DNER: variants seen among roughly 807,000 people sequenced by gnomAD.
DNER encodes the protein delta/notch like EGF repeat containing, also known as delta and Notch-like epidermal growth factor-related receptor.
Under a neutral mutation model 78.2 loss-of-function variants are expected in DNER, and 33 were observed. The observed-to-expected ratio is 0.42, with a 90% CI of 0.32 to 0.56. The LOEUF (loss-of-function observed/expected upper bound fraction) is 0.56. DNER is among the 20% of genes least tolerant of loss of function. The pLI, the probability that DNER is intolerant of heterozygous loss-of-function variation, is 0.11. For missense variants in DNER, 918 were observed against 975.3 expected, an observed-to-expected ratio of 0.94 and a Z score of 0.78; for synonymous variants, 417 against 384.8, an observed-to-expected ratio of 1.08 and a Z score of -0.98.
chr2:229,366,272 A>G (rs1345696003), intron 12 of DNER, among the ~76,000 whole-genome samples: 1 of 152,126 alleles, frequency 6.6e-6, no homozygotes, highest in East Asian at 1.9e-4. Context: ...CAGTTGAGGG[A>G]GCTATATTTG....
rs374891331 is a variant in DNER at position 229,576,866 on chromosome 2, G to A, written c.847+8992C>T. Among the ~76,000 whole-genome samples the A allele has an allele frequency of 3.9e-5, 6 of 152,192 alleles. No homozygotes were observed. The East Asian group carries it at 7.7e-4, about 20-fold the overall frequency. ...GGTGAACAGCTAGGAAGGCTGCCCAGCAAGCCAAACCACAGGGTTCAGAGG... is the reference window on the plus strand; with the variant it reads ...GGTGAACAGCTAGGAAGGCTGCCCAACAAGCCAAACCACAGGGTTCAGAGG... On this transcript the variant is annotated intron_variant, in intron 4 of 12. Coordinates refer to ENST00000341772, the MANE Select transcript of DNER (RefSeq NM_139072.4).
chr2:229,650,854 C>T (rs530960717), intron 1 of DNER, among the ~76,000 whole-genome samples: 64 of 152,258 alleles, frequency 4.2e-4, no homozygotes, highest in African/African-American at 1.4e-3. Flanking sequence ...GGCCCTGGGA[C>T]GCATCGGGTG....
In DNER at chr2:229,491,176, A is replaced by G. The variant is rs541755700; in HGVS notation, c.1148-13923T>C. Among the ~76,000 whole-genome samples the G allele has an allele frequency of 2.0e-5, 3 of 152,252 alleles. No individual in the cohort carries two copies. In the South Asian group the frequency reaches 6.2e-4, roughly 32 times the overall value. Reference sequence around the variant, plus strand: ...GGCACTGTGCTCCGGCTCTTCAAACACGCTGGGCATATTCCTGCATCATGA... The same window carrying G: ...GGCACTGTGCTCCGGCTCTTCAAACGCGCTGGGCATATTCCTGCATCATGA... On this transcript the variant is annotated intron_variant, in intron 6 of 12. Transcript: ENST00000341772.
In DNER at chr2:229,585,711, T is replaced by A. The variant is rs570353023; in HGVS notation, c.847+147A>T. The A allele has an allele frequency of 7.2e-6, 6 of 833,618 alleles. No homozygotes were observed. In the African/African-American group the frequency reaches 1.0e-4, roughly 15 times the overall value. The allele number at this position is 833,618 out of a possible 1,614,324, so 51.6% of individuals were successfully genotyped here. Reference sequence around the variant, plus strand: ...ATATTATGTTAGAATCCAGTTTTTATTCTAAAACCTTACCAAAGTGAAAGA... The same window carrying A: ...ATATTATGTTAGAATCCAGTTTTTAATCTAAAACCTTACCAAAGTGAAAGA... On this transcript the variant is annotated intron_variant, in intron 4 of 12. Coordinates refer to ENST00000341772, the MANE Select transcript of DNER (RefSeq NM_139072.4).
chr2:229,471,858 G>A (rs1375273545), intron 7 of DNER, among the ~76,000 whole-genome samples: 2 of 152,244 alleles, frequency 1.3e-5, no homozygotes, highest in South Asian at 2.1e-4. Context: ...AGGTAGGTCC[G>A]GATTTCAAAC....
chr2:229,499,004 T>A (rs1019732566), intron 6 of DNER, among the ~76,000 whole-genome samples: 2 of 152,152 alleles, frequency 1.3e-5, no homozygotes, highest in African/African-American at 4.8e-5. Flanking sequence ...CTACCTGATT[T>A]CAAAATATAC....
chr2:229,446,028 TG>T (rs1694333643), intron 8 of DNER, among the ~76,000 whole-genome samples: 1 of 152,220 alleles, frequency 6.6e-6, no homozygotes, highest in Non-Finnish European at 1.5e-5. Context: ...ACATGCCCTT[TG>T]GAAGTTCCAG....
intron 5 of DNER, among the ~76,000 whole-genome samples, chr2:229,537,778 T>G (rs773329060): frequency 2.6e-5 from 4 of 152,044 alleles, no homozygotes; most frequent in Non-Finnish European, 5.9e-5. Context: ...TTATTATACT[T>G]TAAGTTTTAG....
At chr2:229,606,003 G>A (rs368899240) in intron 1 of DNER, among the ~76,000 whole-genome samples, 76 of 152,162 alleles carry the variant, frequency 5.0e-4, no homozygotes, top group Non-Finnish European at 5.9e-5. Flanking sequence ...TAATTGAACT[G>A]ATGGCCAGGC....
intron 4 of DNER, among the ~76,000 whole-genome samples, chr2:229,552,680 C>T (rs556903095): frequency 2.6e-5 from 4 of 152,266 alleles, no homozygotes; most frequent in East Asian, 1.9e-4. Context: ...CCAATCCCTG[C>T]GGAACTGTGA....
At chr2:229,556,843 T>G (rs991702931) in intron 4 of DNER, among the ~76,000 whole-genome samples, 1 of 152,182 alleles carries the variant, frequency 6.6e-6, no homozygotes, top group African/African-American at 2.4e-5. Context: ...TCCCCTAAAG[T>G]GGATCAATAG....
At chr2:229,360,089 G>A (rs1692178633) in intron 12 of DNER, among the ~76,000 whole-genome samples, 1 of 152,218 alleles carries the variant, frequency 6.6e-6, no homozygotes, top group African/African-American at 2.4e-5. Context: ...CATAATCTAA[G>A]GATAGGAAAA....
chr2:229,370,606 G>A (rs1395307042), intron 11 of DNER, among the ~76,000 whole-genome samples: 1 of 152,192 alleles, frequency 6.6e-6, no homozygotes, highest in Non-Finnish European at 1.5e-5. Context: ...CACTGAGAGA[G>A]ACAACTCATT....
rs2106322323 is a variant in DNER, at chr2:229,357,754, T to C, written c.*786A>G. 1 of 152,290 alleles carries C rather than the reference T, an allele frequency of 6.6e-6. No individual in the cohort carries two copies. Among genetic ancestry groups the C allele is most frequent in the Middle Eastern group, 3.4e-3 (1 of 294 alleles). 9.4% of individuals were successfully genotyped at this position (152,290 alleles called of 1,614,324 possible). A position where few individuals can be genotyped will look rare whatever the true frequency, so the allele number is the denominator to read the frequency against. On this transcript the variant is annotated 3_prime_UTR_variant, in exon 13 of 13. Transcript: ENST00000341772. ...AATAAAGCTGCACTATGAGAAATAC[T>C]CACTACTGAAGGAACCAGTACTCTC...
chr2:229,658,034 A>G (rs775028558), intron 1 of DNER, among the ~76,000 whole-genome samples: 3 of 152,226 alleles, frequency 2.0e-5, no homozygotes, highest in Non-Finnish European at 4.4e-5. Flanking sequence ...TTGAATTGGA[A>G]TTGAACAGAA....
At chr2:229,533,028 C>T (rs936088965) in intron 5 of DNER, among the ~76,000 whole-genome samples, 2 of 151,934 alleles carry the variant, frequency 1.3e-5, no homozygotes, top group African/African-American at 4.8e-5. Flanking sequence ...GTAGATTGAC[C>T]CAGAGCTGTT....
At position 229,652,868 on chromosome 2, in the gene DNER, T is replaced by C. The variant is rs932250120; in HGVS notation, c.277-60980A>G. On this transcript the variant is annotated intron_variant, in intron 1 of 12. Coordinates refer to ENST00000341772, the MANE Select transcript of DNER (RefSeq NM_139072.4). ...TTATTTCAGCAGATGGAAAAGAAGC[T>C]GTGAAAAGCTGTTCACATCCTGCAA... Among the ~76,000 whole-genome samples the C allele has an allele frequency of 7.2e-4, 109 of 152,216 alleles. 5 individuals carry two copies. Among genetic ancestry groups the C allele is most frequent in the Non-Finnish European group, 8.8e-5 (6 of 68,038 alleles).
At chr2:229,594,088 G>A (rs1697659512) in intron 1 of DNER, among the ~76,000 whole-genome samples, 2 of 152,148 alleles carry the variant, frequency 1.3e-5, no homozygotes, top group Admixed American at 6.5e-5. Flanking sequence ...TCCTCAAAAG[G>A]GGCACTGAGC....
chr2:229,506,776 T>G (rs1695754880), intron 6 of DNER, among the ~76,000 whole-genome samples: 1 of 152,002 alleles, frequency 6.6e-6, no homozygotes, highest in Non-Finnish European at 1.5e-5. Flanking sequence ...GTGTTTGGTT[T>G]TCTGTCCTTG....
Sources: allele counts gnomAD v4.1 joint callset (sites outside exome capture counted in the v4.1 genomes callset), GRCh38; gene constraint gnomAD v4.1.1; transcripts MANE v1.5; gene names NCBI Gene and HGNC (gene_info 2026-07-23, HGNC 2026-07-21).